Variants in CCDC3 observed in about 807,000 individuals in gnomAD.
CCDC3 encodes coiled-coil domain containing 3, also known as coiled-coil domain-containing protein 3.
A neutral mutation model predicts 21.4 loss-of-function variants in CCDC3; 24 were observed. That is an observed-to-expected ratio of 1.12 (90% CI 0.81 to 1.58). The LOEUF is 1.58. Ranked by LOEUF, CCDC3 falls within the 40% of genes most tolerant of loss-of-function variation. CCDC3 has a pLI of 0.00. For missense variants in CCDC3, 425 were observed against 360.9 expected (o/e 1.18, Z -1.44); for synonymous variants, 186 against 166.0 (o/e 1.12, Z -0.93).
chr10:13,003,153 C>G (rs73583896), upstream of CCDC3, among the ~76,000 whole-genome samples: 1,391 of 152,218 alleles, frequency 9.1e-3, 20 homozygotes, highest in African/African-American at 0.032. Context: ...GCAGGGATCC[C>G]AAATGGTTTA....
rs529674007 is a variant in CCDC3, at chr10:12,917,287, G to A, written c.550-18608C>T. 7.9e-4 allele frequency among the ~76,000 whole-genome samples: 106 copies of A among 134,326 alleles called. 1 individual carries two copies. Among genetic ancestry groups the A allele is most frequent in the Non-Finnish European group, 1.3e-3 (83 of 65,354 alleles). 88.1% of individuals were successfully genotyped at this position (134,326 alleles called of 152,430 possible). A position where few individuals can be genotyped will look rare whatever the true frequency, so the allele number is the denominator to read the frequency against. On this transcript the variant is annotated intron_variant, in intron 2 of 2. Coordinates refer to ENST00000378825, the MANE Select transcript of CCDC3 (RefSeq NM_031455.4). The stretch of plus-strand genomic sequence containing the variant: ...CGGCTCACTGCAAGCTCCGCCTCCC[G>A]GGTTCATGCCATTCTCCTGCCTCAG...
rs143013134 is a variant in CCDC3, at chr10:13,033,010, C to A, written c.-2+16664G>T. ...AAACTACTTTAAAGTTCATATGGAACCAAAAAAGAGCTGCATTGCCAAGTC... is the reference window on the plus strand; with the variant it reads ...AAACTACTTTAAAGTTCATATGGAAACAAAAAAGAGCTGCATTGCCAAGTC... On this transcript the variant is annotated intron_variant, in intron 5 of 6. Transcript: ENST00000378839. 7.7e-3 allele frequency among the ~76,000 whole-genome samples: 1,169 copies of A among 152,176 alleles called. 28 individuals are homozygous for A. Among genetic ancestry groups the A allele is most frequent in the South Asian group, 0.063 (302 of 4,824 alleles).
intron 2 of CCDC3, among the ~76,000 whole-genome samples, chr10:12,985,915 G>C (rs1169853739): frequency 6.6e-6 from 1 of 152,136 alleles, no homozygotes; most frequent in Non-Finnish European, 1.5e-5. Flanking sequence ...TTGCTCTGTC[G>C]CCCAGGCTGG....
chr10:13,084,497 G>C (rs1348752538), intron 3 of CCDC3, among the ~76,000 whole-genome samples: 4 of 152,086 alleles, frequency 2.6e-5, no homozygotes, highest in Non-Finnish European at 4.4e-5. Context: ...ATGTTGGTCA[G>C]TCTGGTCTCG....
rs1319764616 is a variant in CCDC3 at position 13,001,189 on chromosome 10, G to C, written c.374+8C>G. On this transcript the variant is annotated splice_region_variant and intron_variant, in intron 1 of 2. Coordinates refer to ENST00000378825, the MANE Select transcript of CCDC3 (RefSeq NM_031455.4). ...AGAGAGAGGTGGCGGCGGCGCCGCC[G>C]GGCTCACCTGAGGAAGAAGAAATAG... 1 of 1,547,168 alleles carries C rather than the reference G, an allele frequency of 6.5e-7. No homozygotes were observed. The highest frequency in any genetic ancestry group is 1.4e-5 in the African/African-American group (1 of 72,868).
intron 2 of CCDC3, among the ~76,000 whole-genome samples, chr10:12,938,739 A>T (rs2131235546): frequency 6.6e-6 from 1 of 152,116 alleles, no homozygotes; most frequent in East Asian, 1.9e-4. Context: ...TGGTTCCTTG[A>T]ACTCCTCCCA....
At chr10:12,978,620 AG>A (rs1835452570) in intron 2 of CCDC3, among the ~76,000 whole-genome samples, 1 of 152,140 alleles carries the variant, frequency 6.6e-6, no homozygotes, top group East Asian at 1.9e-4. Flanking sequence ...TGGGGTCTGC[AG>A]GGAGACCCAG....
At chr10:12,924,411 T>C (rs1331491539) in intron 2 of CCDC3, among the ~76,000 whole-genome samples, 1 of 152,234 alleles carries the variant, frequency 6.6e-6, no homozygotes, top group African/African-American at 2.4e-5. Context: ...CTAGAATGCT[T>C]TCTGAAGCGA....
chr10:13,046,694 C>T (rs1272368127), intron 5 of CCDC3, among the ~76,000 whole-genome samples: 5 of 114,022 alleles, frequency 4.4e-5, no homozygotes, highest in Middle Eastern at 3.9e-3. Flanking sequence ...GCAACAAGAG[C>T]GAAACTCCGT....
chr10:12,927,290 C>G (rs1834558434), intron 2 of CCDC3, among the ~76,000 whole-genome samples: 1 of 152,188 alleles, frequency 6.6e-6, no homozygotes, highest in African/African-American at 2.4e-5. Context: ...AAGGACATGT[C>G]AGATACCACC....
rs554665569 is a variant in CCDC3, at chr10:13,033,240, A to G, written c.-2+16434T>C. ...AACCTGACAAAAACAAGCAATGGGG[A>G]AAGGATTCCCTATTTAATAAATGGT... is the stretch of plus-strand genomic sequence containing the variant. On this transcript the variant is annotated intron_variant, in intron 5 of 6. Transcript: ENST00000378839. Among the ~76,000 whole-genome samples, 1,143 of 152,334 alleles carry G rather than the reference A, an allele frequency of 7.5e-3. 6 individuals carry two copies. The highest frequency in any genetic ancestry group is 0.013 in the Non-Finnish European group (872 of 68,016).
chr10:12,970,742 T>C (rs1481709905), intron 2 of CCDC3, among the ~76,000 whole-genome samples: 1 of 151,982 alleles, frequency 6.6e-6, no homozygotes, highest in African/African-American at 2.4e-5. Context: ...AAAACGTAGC[T>C]GGGCATGGTG....
intron 4 of CCDC3, among the ~76,000 whole-genome samples, chr10:13,060,225 C>T (rs1836738449): frequency 6.6e-6 from 1 of 152,186 alleles, no homozygotes; most frequent in Admixed American, 6.5e-5. Flanking sequence ...GACCTTGGAA[C>T]TCAACCCCAT....
intron 2 of CCDC3, among the ~76,000 whole-genome samples, chr10:12,910,406 C>A (rs10906250): frequency 0.15 from 22,796 of 151,952 alleles, 2,234 homozygotes; most frequent in East Asian, 0.29. Context: ...AGACTCAGTC[C>A]ATAACCATAT....
rs148797394 is a variant in CCDC3, at chr10:12,959,292, C to T, written c.549+39046G>A. On this transcript the variant is annotated intron_variant, in intron 2 of 2. Transcript: ENST00000378825. ...AAGTGATTCTCCTGCCTCAGCCTCC[C>T]GACTAGCTGGGATTATAGGTGCCCG... Among the ~76,000 whole-genome samples, 513 of 152,122 alleles carry T rather than the reference C, an allele frequency of 3.4e-3. 2 individuals are homozygous for T. The highest frequency in any genetic ancestry group is 0.011 in the African/African-American group (476 of 41,496).
At chr10:12,974,471 A>T (rs182877544) in intron 2 of CCDC3, among the ~76,000 whole-genome samples, 75 of 152,342 alleles carry the variant, frequency 4.9e-4, no homozygotes, top group African/African-American at 1.6e-3. Context: ...GTTGACTGTG[A>T]TATTTAAGTG....
intron 2 of CCDC3, among the ~76,000 whole-genome samples, chr10:12,970,591 A>C (rs1159988465): frequency 6.6e-6 from 1 of 152,240 alleles, no homozygotes; most frequent in African/African-American, 2.4e-5. Context: ...ATTAAAAGTC[A>C]GTCTGGGCCG....
At chr10:13,085,727 G>A (rs1161738179) in intron 3 of CCDC3, among the ~76,000 whole-genome samples, 1 of 152,178 alleles carries the variant, frequency 6.6e-6, no homozygotes, top group Non-Finnish European at 1.5e-5. Flanking sequence ...AGCACTTTGG[G>A]AGGCCAAGGT....
At chr10:13,004,708 G>C (rs1432514226), upstream of CCDC3, among the ~76,000 whole-genome samples, 1 of 152,024 alleles carries the variant, frequency 6.6e-6, no homozygotes, top group Non-Finnish European at 1.5e-5. Flanking sequence ...AGTAGTAGTA[G>C]TGTTAGCTAG....
Sources: gnomAD v4.1 joint callset for allele counts (sites outside exome capture counted in the v4.1 genomes callset) on GRCh38, gnomAD v4.1.1 for gene constraint, MANE v1.5 for transcripts, NCBI Gene and HGNC (gene_info 2026-07-23, HGNC 2026-07-21) for gene names.